DHX36: variants seen among roughly 807,000 people sequenced by gnomAD.
DHX36 encodes ATP-dependent DNA/RNA helicase DHX36.
DHX36 carries 50 observed loss-of-function variants against 139.0 expected under a neutral mutation model. The ratio of observed to expected loss-of-function variants is 0.36; its 90% CI spans 0.29 to 0.46. The LOEUF is 0.46. DHX36 is among the 20% of genes least tolerant of loss of function. The pLI is 1.00. For missense variants in DHX36, 1,024 were observed against 1,211.3 expected (o/e 0.85, Z 2.29); for synonymous variants, 425 against 401.9 (o/e 1.06, Z -0.69).
chr3:154,277,543 A>G lies in DHX36; in HGVS notation c.2688+55T>C, dbSNP rs897697441. ...ATAATTGTTAAAACTACACAATCAT[A>G]AAAATACAATGAGACTGATAATCAG... On this transcript the variant is annotated intron_variant, in intron 23 of 24. Coordinates refer to ENST00000496811, the MANE Select transcript of DHX36 (RefSeq NM_020865.3). 65 of 1,506,340 alleles carry G rather than the reference A, an allele frequency of 4.3e-5. No homozygotes were observed. In the East Asian group the frequency reaches 1.5e-3, roughly 35 times the overall value. The allele number at this position is 1,506,340 out of a possible 1,614,324, so 93.3% of individuals were successfully genotyped here. A position where few individuals can be genotyped will look rare whatever the true frequency, so the allele number is the denominator to read the frequency against.
chr3:154,304,671 G>A, intron 8 of DHX36, 135 bp downstream of exon 8: 1 of 659,828 alleles, frequency 1.5e-6, no homozygotes, highest in Non-Finnish European at 2.3e-6. Flanking sequence ...CCATGAAACT[G>A]GAGGGTAGAA....
intron 3 of DHX36, among the ~76,000 whole-genome samples, chr3:154,313,680 A>T (rs1281487310): frequency 7.9e-5 from 12 of 152,154 alleles, no homozygotes; most frequent in Admixed American, 3.3e-4. Flanking sequence ...ACCCTGTCTT[A>T]AATATATATA....
chr3:154,281,005 G>T, intron 20 of DHX36, 143 bp from the exon 21 acceptor site: 1 of 627,904 alleles, frequency 1.6e-6, no homozygotes, highest in Non-Finnish European at 2.7e-6. Context: ...GCAAGGGTTG[G>T]CAAACTACAA....
Position 154,300,650 on chromosome 3 carries a change from TATC to T in DHX36, c.1402_1404del (p.Asp468del). 1 of 1,613,918 alleles carries T rather than the reference TATC, an allele frequency of 6.2e-7. No individual in the cohort carries two copies. Reference sequence around the variant, plus strand: ...GCAACAATCAAATTCAGATCAACTTTATCATCCTCCATCATTTCTATAACATCT... The same window carrying T: ...GCAACAATCAAATTCAGATCAACTTTATCCTCCATCATTTCTATAACATCT... On this transcript the variant is annotated inframe_deletion, in exon 11 of 25. Transcript: ENST00000496811.
chr3:154,313,471 G>C lies in DHX36; in HGVS notation c.603+1575C>G, dbSNP rs182905729. On this transcript the variant is annotated intron_variant, in intron 3 of 24. Transcript: ENST00000496811. Reference sequence around the variant, plus strand: ...GAGGTAGGAGGATTGCTTGAGCCCAGGAGTTCAAGACCAGCCTGGGCAACA... The same window carrying C: ...GAGGTAGGAGGATTGCTTGAGCCCACGAGTTCAAGACCAGCCTGGGCAACA... Among the ~76,000 whole-genome samples the C allele has an allele frequency of 2.9e-3, 447 of 152,224 alleles. 3 individuals are homozygous for C. Among genetic ancestry groups the C allele is most frequent in the African/African-American group, 0.01 (433 of 41,546 alleles).
intron 9 of DHX36, among the ~76,000 whole-genome samples, chr3:154,301,743 C>T (rs1712299548): frequency 6.6e-6 from 1 of 152,142 alleles, no homozygotes; most frequent in African/African-American, 2.4e-5. Flanking sequence ...CTACTACCAT[C>T]CTGTAGTGAT....
At chr3:154,291,963 A>G (rs760666984) in intron 15 of DHX36, among the ~76,000 whole-genome samples, 1 of 152,262 alleles carries the variant, frequency 6.6e-6, no homozygotes, top group Non-Finnish European at 1.5e-5. Flanking sequence ...GAGGAAAAGT[A>G]CTTTCCTTGT....
In DHX36 at chr3:154,305,385, T is replaced by C. The variant is rs1712458717; in HGVS notation, c.894-217A>G. The C allele has an allele frequency of 1.9e-5, 9 of 463,154 alleles. No homozygotes were observed. The South Asian group carries it at 3.0e-4, about 15-fold the overall frequency. 28.7% of individuals were successfully genotyped at this position (463,154 alleles called of 1,614,324 possible). On this transcript the variant is annotated intron_variant, in intron 6 of 24. Coordinates refer to ENST00000496811, the MANE Select transcript of DHX36 (RefSeq NM_020865.3). The stretch of plus-strand genomic sequence containing the variant: ...TTTGTTGTCATTGATATAATGTTAA[T>C]TTCTTTTAAAAGATACGACCATTCA...
intron 17 of DHX36, among the ~76,000 whole-genome samples, chr3:154,285,622 A>G (rs1385863161): frequency 6.6e-6 from 1 of 152,148 alleles, no homozygotes; most frequent in East Asian, 1.9e-4. Flanking sequence ...AACCTTGCTG[A>G]AAAAAAGCTA....
chr3:154,306,933 C>T (rs912719812), intron 5 of DHX36, among the ~76,000 whole-genome samples: 1 of 151,960 alleles, frequency 6.6e-6, no homozygotes, highest in African/African-American at 2.4e-5. Flanking sequence ...CCACATTAAC[C>T]TGTCTACTCA....
intron 17 of DHX36, among the ~76,000 whole-genome samples, chr3:154,286,338 T>C (rs1711554477): frequency 2.0e-5 from 3 of 151,568 alleles, no homozygotes; most frequent in Admixed American, 2.0e-4. Flanking sequence ...AAAACTCTAA[T>C]TATTTAAAGA....
At chr3:154,297,753 G>C (rs2108349076) in intron 12 of DHX36, among the ~76,000 whole-genome samples, 1 of 151,002 alleles carries the variant, frequency 6.6e-6, no homozygotes, top group Admixed American at 6.6e-5. Flanking sequence ...TATTTAAAAT[G>C]TTTCATTATA....
At chr3:154,297,760 T>C (rs1181058492) in intron 12 of DHX36, among the ~76,000 whole-genome samples, 3 of 151,966 alleles carry the variant, frequency 2.0e-5, no homozygotes, top group Non-Finnish European at 2.9e-5. Context: ...AATGTTTCAT[T>C]ATAAAAAGTT....
intron 20 of DHX36, among the ~76,000 whole-genome samples, chr3:154,281,487 A>G (rs1331168660): frequency 6.6e-6 from 1 of 152,084 alleles, no homozygotes; most frequent in Non-Finnish European, 1.5e-5. Context: ...CCCATTAAGT[A>G]TATATACTGA....
At chr3:154,283,455 T>C (rs371611291) in intron 19 of DHX36, among the ~76,000 whole-genome samples, 184 bp from the exon 20 acceptor site, 5 of 152,240 alleles carry the variant, frequency 3.3e-5, no homozygotes, top group South Asian at 4.1e-4. Context: ...TCCTAGTCCT[T>C]AAGAGACAAC....
rs760792864 is a variant in DHX36, at chr3:154,316,032, G to T, written c.368+7C>A. 6.2e-7 allele frequency: 1 copy of T among 1,610,348 alleles called. No homozygotes were observed. The highest frequency in any genetic ancestry group is 1.7e-5 in the Admixed American group (1 of 59,368). Reference sequence around the variant, plus strand: ...CCTATTCTTTAAAAAAATATTTCTTGTCGTACCCATGATCCTCAGGAGCAA... The same window carrying T: ...CCTATTCTTTAAAAAAATATTTCTTTTCGTACCCATGATCCTCAGGAGCAA... On this transcript the variant is annotated splice_region_variant and intron_variant, in intron 2 of 24. Transcript: ENST00000496811.
intron 13 of DHX36, 92 bp from the exon 14 acceptor site, chr3:154,293,904 T>C (rs1711925956): frequency 8.1e-6 from 7 of 866,964 alleles, no homozygotes; most frequent in Non-Finnish European, 1.3e-5. Flanking sequence ...ATACTGTTCA[T>C]TTTTAGCATT....
intron 1 of DHX36, 67 bp from the exon 2 acceptor site, chr3:154,316,230 C>T (rs1712975457): frequency 6.3e-7 from 1 of 1,590,206 alleles, no homozygotes. Context: ...TTATTTGATA[C>T]TGAAGAAAAT....
rs560054464 is a variant in DHX36, at chr3:154,286,015, T to C, written c.2032-1028A>G. Among the ~76,000 whole-genome samples, 3 of 151,924 alleles carry C rather than the reference T, an allele frequency of 2.0e-5. No individual in the cohort carries two copies. The South Asian group carries it at 6.2e-4, about 32-fold the overall frequency. ...ACTCTAAAAAGAAAAATTTGTTTAA[T>C]ATTTGAAACATCAGTTTAACTGAAT... On this transcript the variant is annotated intron_variant, in intron 17 of 24. Transcript: ENST00000496811.
Sources: allele counts gnomAD v4.1 joint callset (sites outside exome capture counted in the v4.1 genomes callset), GRCh38; gene constraint gnomAD v4.1.1; transcripts MANE v1.5; gene names NCBI Gene and HGNC (gene_info 2026-07-23, HGNC 2026-07-21).